Variants in EXOC6 observed in about 807,000 individuals in gnomAD.
EXOC6 encodes SEC15-like 1.
Under a neutral mutation model 112.5 loss-of-function variants are expected in EXOC6, and 60 were observed. The observed-to-expected ratio is 0.53, with a 90% CI of 0.43 to 0.66. The LOEUF (loss-of-function observed/expected upper bound fraction) is 0.66, where lower values mean the gene tolerates loss of function less well. EXOC6 is among the 30% of genes least tolerant of loss of function. The pLI is 0.00. For missense variants in EXOC6, 855 were observed against 957.1 expected (o/e 0.89, Z 1.41); for synonymous variants, 295 against 308.0 (o/e 0.96, Z 0.44).
chr10:92,869,581 A>G (rs1848339482), intron 1 of EXOC6, among the ~76,000 whole-genome samples: 1 of 152,088 alleles, frequency 6.6e-6, no homozygotes, highest in African/African-American at 2.4e-5. Context: ...AAGTATTGGG[A>G]TTGTAGATGT....
At chr10:92,911,538 T>A (rs1850761465) in intron 6 of EXOC6, among the ~76,000 whole-genome samples, 2 of 152,186 alleles carry the variant, frequency 1.3e-5, no homozygotes, top group Admixed American at 1.3e-4. Context: ...CATAGACCAG[T>A]TTTGGATTCT....
At position 92,988,800 on chromosome 10, in the gene EXOC6, TACACAC is replaced by T. The variant is rs67242778; in HGVS notation, c.1954-8639_1954-8634del. Among the ~76,000 whole-genome samples the T allele has an allele frequency of 2.3e-3, 329 of 143,082 alleles. 2 individuals carry two copies. The highest frequency in any genetic ancestry group is 5.3e-3 in the African/African-American group (207 of 38,968). 93.9% of individuals were successfully genotyped at this position (143,082 alleles called of 152,430 possible). A position where few individuals can be genotyped will look rare whatever the true frequency, so the allele number is the denominator to read the frequency against. Reference sequence around the variant, plus strand: ...GACAAAACCCCATCTCTACAAAAAATACACACACACACACACACACACACACACACA... The same window carrying T: ...GACAAAACCCCATCTCTACAAAAAATACACACACACACACACACACACACA... On this transcript the variant is annotated intron_variant, in intron 18 of 21. Coordinates refer to ENST00000260762, the MANE Select transcript of EXOC6 (RefSeq NM_019053.6).
rs116351909 is a variant in EXOC6 at position 93,058,071 on chromosome 10, G to A, written c.2283-152G>A. The A allele has an allele frequency of 1.4e-4, 84 of 609,236 alleles. 1 individual carries two copies. The highest frequency in any genetic ancestry group is 1.3e-3 in the African/African-American group (69 of 51,778). The allele number at this position is 609,236 out of a possible 1,614,324, so 37.7% of individuals were successfully genotyped here. Reference sequence around the variant, plus strand: ...AATTTTTTGCATGGTTACTATATCTGTATGTTTATTTAGTATCTACTTTCT... The same window carrying A: ...AATTTTTTGCATGGTTACTATATCTATATGTTTATTTAGTATCTACTTTCT... On this transcript the variant is annotated intron_variant, in intron 21 of 21. Transcript: ENST00000260762.
chr10:92,927,119 G>A (rs1040205561), intron 8 of EXOC6, among the ~76,000 whole-genome samples: 4 of 152,174 alleles, frequency 2.6e-5, no homozygotes, highest in African/African-American at 7.2e-5. Context: ...AAGAAAAGTC[G>A]TTTTTTGTAG....
intron 2 of EXOC6, among the ~76,000 whole-genome samples, chr10:92,893,935 A>AC (rs1384623674): frequency 3.9e-5 from 6 of 152,240 alleles, no homozygotes; most frequent in Non-Finnish European, 5.9e-5. Flanking sequence ...GAAAAGTTTA[A>AC]CAGCAGTGTG....
chr10:92,858,173 C>T (rs1393337222), intron 1 of EXOC6, among the ~76,000 whole-genome samples: 2 of 152,008 alleles, frequency 1.3e-5, no homozygotes, highest in Non-Finnish European at 2.9e-5. Flanking sequence ...GTTTGTCTCT[C>T]ATTATTTTAC....
At chr10:92,983,727 G>A (rs1842907736) in intron 18 of EXOC6, among the ~76,000 whole-genome samples, 1 of 151,968 alleles carries the variant, frequency 6.6e-6, no homozygotes, top group South Asian at 2.1e-4. Context: ...GGCTGGTCTC[G>A]AACTCCTGGC....
At chr10:92,955,805 C>A in intron 17 of EXOC6, 91 bp downstream of exon 17, 2 of 1,158,818 alleles carry the variant, frequency 1.7e-6, no homozygotes, top group Non-Finnish European at 2.4e-6. Context: ...GCAAGATCTA[C>A]TATATTCCTA....
chr10:92,932,162 A>G (rs1048934192), intron 9 of EXOC6, among the ~76,000 whole-genome samples: 1 of 152,168 alleles, frequency 6.6e-6, no homozygotes, highest in Non-Finnish European at 1.5e-5. Context: ...ATGAATCTCA[A>G]AAGTATTATT....
chr10:92,970,167 A>C (rs752249283), intron 17 of EXOC6, among the ~76,000 whole-genome samples: 2 of 152,128 alleles, frequency 1.3e-5, no homozygotes, highest in Non-Finnish European at 2.9e-5. Context: ...AAACAGACAC[A>C]CACTTCCTGC....
upstream of EXOC6, among the ~76,000 whole-genome samples, chr10:92,846,464 T>C (rs986969891): frequency 1.3e-5 from 2 of 152,178 alleles, no homozygotes; most frequent in African/African-American, 4.8e-5. Flanking sequence ...TCTGGGATTA[T>C]AGGTGTGAGC....
chr10:93,024,737 A>G (rs1564919701), intron 20 of EXOC6, among the ~76,000 whole-genome samples: 2 of 152,272 alleles, frequency 1.3e-5, no homozygotes, highest in African/African-American at 2.4e-5. Flanking sequence ...AATTTTAAAG[A>G]TAGGAATTCT....
chr10:92,859,855 G>T (rs1847821823), intron 1 of EXOC6, among the ~76,000 whole-genome samples: 1 of 149,888 alleles, frequency 6.7e-6, no homozygotes, highest in Admixed American at 6.8e-5. Flanking sequence ...GTGTGTGTGT[G>T]TGTGTGTTGG....
At chr10:92,931,281 A>G (rs1852019460) in intron 9 of EXOC6, among the ~76,000 whole-genome samples, 1 of 147,214 alleles carries the variant, frequency 6.8e-6, no homozygotes, top group South Asian at 2.2e-4. Context: ...TGGACAAAAG[A>G]TTTTTTTTTT....
chr10:92,906,581 A>G (rs1196814327), intron 5 of EXOC6, among the ~76,000 whole-genome samples: 2 of 152,182 alleles, frequency 1.3e-5, no homozygotes, highest in African/African-American at 4.8e-5. Context: ...TTTAACATAT[A>G]GGGAAATTTG....
Position 92,909,650 on chromosome 10 carries a change from T to C in EXOC6, c.663+19T>C, listed in dbSNP as rs757537022. ...GAAACAGGTGAGATTAAAAATAATT[T>C]TGATTTAATATTATTTAGTAATACA... On this transcript the variant is annotated intron_variant, in intron 6 of 21. Transcript: ENST00000260762. 1 of 1,478,194 alleles carries C rather than the reference T, an allele frequency of 6.8e-7. No homozygotes were observed. Among genetic ancestry groups the C allele is most frequent in the Admixed American group, 1.8e-5 (1 of 55,728 alleles). 91.6% of individuals were successfully genotyped at this position (1,478,194 alleles called of 1,614,324 possible). A position where few individuals can be genotyped will look rare whatever the true frequency, so the allele number is the denominator to read the frequency against.
intron 8 of EXOC6, among the ~76,000 whole-genome samples, chr10:92,925,654 T>C (rs1295136054): frequency 6.6e-6 from 1 of 151,808 alleles, no homozygotes; most frequent in African/African-American, 2.4e-5. Flanking sequence ...GTAATTTTGT[T>C]GTTATTGTTT....
At chr10:93,057,841 C>T (rs986278786) in intron 21 of EXOC6, among the ~76,000 whole-genome samples, 9 of 152,010 alleles carry the variant, frequency 5.9e-5, no homozygotes, top group African/African-American at 1.7e-4. Flanking sequence ...GCAAAAACAT[C>T]GCTATTTTAC....
At chr10:92,864,864 A>C (rs914812714) in intron 1 of EXOC6, among the ~76,000 whole-genome samples, 1 of 152,108 alleles carries the variant, frequency 6.6e-6, no homozygotes, top group African/African-American at 2.4e-5. Context: ...TGCAGACGGC[A>C]TGTTATGGTA....
Sources: gnomAD v4.1 joint callset for allele counts (sites outside exome capture counted in the v4.1 genomes callset) on GRCh38, gnomAD v4.1.1 for gene constraint, MANE v1.5 for transcripts, NCBI Gene and HGNC (gene_info 2026-07-23, HGNC 2026-07-21) for gene names.